The following CNTN3 variants were observed in gnomAD, a reference collection of about 807,000 sequenced individuals.
CNTN3 encodes contactin 3, also known as contactin-3.
In CNTN3, 60 loss-of-function variants were observed where a neutral mutation model predicts 119.1. That is an observed-to-expected ratio of 0.50 (90% CI 0.41 to 0.62). The LOEUF is 0.62. Ranked by LOEUF, CNTN3 falls within the 20% of genes least tolerant of loss-of-function variation. The pLI, the probability that CNTN3 is intolerant of heterozygous loss-of-function variation, is 0.00. For missense variants in CNTN3, 1,101 were observed against 1,242.4 expected (o/e 0.89, Z 1.71); for synonymous variants, 450 against 438.7 (o/e 1.03, Z -0.32).
intron 5 of CNTN3, among the ~76,000 whole-genome samples, chr3:74,416,490 C>A (rs1195591570): frequency 6.6e-6 from 1 of 152,114 alleles, no homozygotes; most frequent in Non-Finnish European, 1.5e-5. Context: ...GCTCTAGGTG[C>A]CCAGTTTGTA....
rs776949116 is a variant in CNTN3 at position 74,334,782 on chromosome 3, G to C, written c.1621C>G (p.Leu541Val). Residue 541 changes from leucine (L) to valine (V), a missense_variant, in exon 13 of 23, where the codon CTT becomes GTT. Coordinates refer to ENST00000263665, the MANE Select transcript of CNTN3 (RefSeq NM_020872.3). ...IIFTWYFNGA[L>V]ADFKKDGSHF... is the part of the protein sequence containing the mutation. ...GATCCATCTTTCTTAAAATCTGCAAGGGCCCCATTGAAATACCAGGTAAAG... is the reference window on the plus strand; with the variant it reads ...GATCCATCTTTCTTAAAATCTGCAACGGCCCCATTGAAATACCAGGTAAAG... 2 of 1,613,460 alleles carry C rather than the reference G, an allele frequency of 1.2e-6. No homozygotes were observed. Among genetic ancestry groups the C allele is most frequent in the Non-Finnish European group, 1.7e-6 (2 of 1,179,678 alleles).
intron 1 of CNTN3, among the ~76,000 whole-genome samples, chr3:74,571,420 G>A (rs965652081): frequency 2.6e-5 from 4 of 152,196 alleles, no homozygotes; most frequent in South Asian, 2.1e-4. Context: ...TTAGCTTAGC[G>A]GTACAGACCT....
chr3:74,529,253 T>C (rs1703660628), intron 1 of CNTN3, among the ~76,000 whole-genome samples: 1 of 151,846 alleles, frequency 6.6e-6, no homozygotes, highest in African/African-American at 2.4e-5. Context: ...ACTTTTCCAA[T>C]GGATTAACAA....
intron 4 of CNTN3, among the ~76,000 whole-genome samples, chr3:74,475,660 C>T (rs2107013245): frequency 6.6e-6 from 1 of 152,244 alleles, no homozygotes; most frequent in East Asian, 1.9e-4. Flanking sequence ...ATCTGCTGGG[C>T]CTATACCTCA....
chr3:74,369,995 T>C lies in CNTN3; in HGVS notation c.659-4A>G. 6.9e-7 allele frequency: 1 copy of C among 1,459,772 alleles called. No homozygotes were observed. The highest frequency in any genetic ancestry group is 9.6e-7 in the Non-Finnish European group (1 of 1,045,318). 90.4% of individuals were successfully genotyped at this position (1,459,772 alleles called of 1,614,324 possible). ...GGTTCATATTCACCCATCACACCTA[T>C]AAATCCACAATATAAAGTTAATCGT... On this transcript the variant is annotated splice_polypyrimidine_tract_variant and splice_region_variant and intron_variant, in intron 6 of 22. Coordinates refer to ENST00000263665, the MANE Select transcript of CNTN3 (RefSeq NM_020872.3).
chr3:74,357,148 G>C (rs1703955760), intron 11 of CNTN3, among the ~76,000 whole-genome samples: 1 of 151,838 alleles, frequency 6.6e-6, no homozygotes, highest in South Asian at 2.1e-4. Context: ...GAATGGTCTC[G>C]ATCTCCTGAC....
At chr3:74,584,338 T>C (rs1181074377) in intron 1 of CNTN3, among the ~76,000 whole-genome samples, 1 of 152,204 alleles carries the variant, frequency 6.6e-6, no homozygotes. Flanking sequence ...CTTTTGATAT[T>C]TGTCCCTTCT....
intron 17 of CNTN3, among the ~76,000 whole-genome samples, chr3:74,298,622 T>A (rs866582053): frequency 6.9e-6 from 1 of 145,778 alleles, no homozygotes; most frequent in Non-Finnish European, 1.5e-5. Flanking sequence ...AAAGGCCTGG[T>A]ACGGTGGCTC....
At chr3:74,386,568 T>C (rs1259884087) in intron 5 of CNTN3, among the ~76,000 whole-genome samples, 1 of 152,042 alleles carries the variant, frequency 6.6e-6, no homozygotes, top group African/African-American at 2.4e-5. Flanking sequence ...AGAAAACACA[T>C]ACACAGAAAA....
intron 5 of CNTN3, among the ~76,000 whole-genome samples, chr3:74,398,426 T>A (rs1705110326): frequency 6.6e-6 from 1 of 152,240 alleles, no homozygotes; most frequent in Non-Finnish European, 1.5e-5. Flanking sequence ...GAAGTATTTT[T>A]AAATTAAGGT....
intron 18 of CNTN3, among the ~76,000 whole-genome samples, chr3:74,297,072 C>T (rs1190894507): frequency 6.6e-6 from 1 of 152,104 alleles, no homozygotes; most frequent in Admixed American, 6.5e-5. Flanking sequence ...TCTGTATCTC[C>T]ACCAGCAGGT....
chr3:74,559,112 A>T (rs1362273858), intron 1 of CNTN3, among the ~76,000 whole-genome samples: 3 of 152,090 alleles, frequency 2.0e-5, no homozygotes, highest in African/African-American at 7.2e-5. Flanking sequence ...ATCATAATTA[A>T]TATTACTACT....
At chr3:74,538,760 G>C (rs974337740) in intron 1 of CNTN3, among the ~76,000 whole-genome samples, 6 of 152,090 alleles carry the variant, frequency 3.9e-5, no homozygotes, top group Non-Finnish European at 8.8e-5. Context: ...GTGGAGGACA[G>C]AAATCAAAAA....
At chr3:74,418,704 T>C (rs1198860104) in intron 5 of CNTN3, among the ~76,000 whole-genome samples, 1 of 152,070 alleles carries the variant, frequency 6.6e-6, no homozygotes, top group East Asian at 1.9e-4. Context: ...TATATTTTTT[T>C]ATTTTGACAC....
intron 10 of CNTN3, among the ~76,000 whole-genome samples, chr3:74,363,223 C>T (rs1704116075): frequency 6.6e-6 from 1 of 152,144 alleles, no homozygotes; most frequent in Non-Finnish European, 1.5e-5. Context: ...TTGATCATCC[C>T]TCCAGGCATC....
chr3:74,451,185 G>C (rs1021538660), intron 4 of CNTN3, among the ~76,000 whole-genome samples: 1 of 152,064 alleles, frequency 6.6e-6, no homozygotes, highest in African/African-American at 2.4e-5. Context: ...GTTGTTTCCT[G>C]ACTTTTTAAT....
intron 5 of CNTN3, among the ~76,000 whole-genome samples, chr3:74,389,779 A>G (rs1199633889): frequency 6.6e-6 from 1 of 152,144 alleles, no homozygotes; most frequent in African/African-American, 2.4e-5. Flanking sequence ...TGCACAAACT[A>G]ACTCAGACTG....
intron 4 of CNTN3, among the ~76,000 whole-genome samples, chr3:74,467,500 A>T (rs1702486250): frequency 6.6e-6 from 1 of 152,174 alleles, no homozygotes; most frequent in South Asian, 2.1e-4. Flanking sequence ...TTAAACCAGG[A>T]CTCAATTAAA....
intron 5 of CNTN3, among the ~76,000 whole-genome samples, chr3:74,391,658 C>T (rs968233065): frequency 2.7e-5 from 4 of 149,652 alleles, no homozygotes; most frequent in Non-Finnish European, 5.9e-5. Context: ...CCTCCACCCC[C>T]GGGGTTCAAG....
Sources: gnomAD v4.1 joint callset for allele counts (sites outside exome capture counted in the v4.1 genomes callset) on GRCh38, gnomAD v4.1.1 for gene constraint, MANE v1.5 for transcripts, NCBI Gene and HGNC (gene_info 2026-07-23, HGNC 2026-07-21) for gene names.